CNKSR2: variants seen among roughly 807,000 people sequenced by gnomAD.
CNKSR2 encodes CNK homolog protein 2.
Under a neutral mutation model 84.4 loss-of-function variants are expected in CNKSR2, and 14 were observed. The ratio of observed to expected loss-of-function variants is 0.17; its 90% CI spans 0.11 to 0.26. The LOEUF (loss-of-function observed/expected upper bound fraction) is 0.26, where lower values mean the gene tolerates loss of function less well. Ranked by LOEUF, CNKSR2 falls within the 10% of genes least tolerant of loss-of-function variation. The pLI is 1.00. For synonymous variants in CNKSR2, 275 were observed against 277.9 expected (o/e 0.99, Z 0.10); for missense variants, 485 against 771.2 (o/e 0.63, Z 4.40).
At chrX:21,480,001 C>T (rs2091299682) in intron 5 of CNKSR2, among the ~76,000 whole-genome samples, 1 of 111,103 alleles carries the variant, frequency 9.0e-6, no homozygotes, top group African/African-American at 3.3e-5. Context: ...GACCCTGCAA[C>T]AGGAACAAGA....
chrX:21,653,421 G>A lies in CNKSR2; in HGVS notation c.*900G>A, dbSNP rs1467747841. 2 of 109,819 alleles carry A rather than the reference G, an allele frequency of 1.8e-5. No homozygotes were observed. Among genetic ancestry groups the A allele is most frequent in the African/African-American group, 6.6e-5 (2 of 30,209 alleles). The allele number at this position is 109,819 out of a possible 1,213,427, so 9.1% of individuals were successfully genotyped here. A position where few individuals can be genotyped will look rare whatever the true frequency, so the allele number is the denominator to read the frequency against. The stretch of plus-strand genomic sequence containing the variant: ...AACTCCAACTCTTAAAAGACAACAA[G>A]GTATAAACTGAAATGAATCAACTTT... On this transcript the variant is annotated 3_prime_UTR_variant, in exon 22 of 22. Coordinates refer to ENST00000379510, the MANE Select transcript of CNKSR2 (RefSeq NM_014927.5).
chrX:21,445,012 G>A (rs957563098), intron 4 of CNKSR2, among the ~76,000 whole-genome samples: 2 of 111,163 alleles, frequency 1.8e-5, no homozygotes, highest in Admixed American at 1.9e-4. Context: ...GTATTCTATC[G>A]TTCATATGGT....
intron 11 of CNKSR2, among the ~76,000 whole-genome samples, chrX:21,549,386 T>A (rs1338384254): frequency 3.6e-5 from 4 of 111,714 alleles, no homozygotes; most frequent in Non-Finnish European, 5.6e-5. Flanking sequence ...CAAGGAGAAC[T>A]ACAAACCACT....
In CNKSR2 at chrX:21,607,216, C is replaced by T. The variant is rs376312701; in HGVS notation, c.2145+337C>T. On this transcript the variant is annotated intron_variant, in intron 19 of 21. Transcript: ENST00000379510. ...GTATATAAAATGACCTTATCTATTCCACACTAATAAAGTGTATTCCTATGT... is the reference window on the plus strand; with the variant it reads ...GTATATAAAATGACCTTATCTATTCTACACTAATAAAGTGTATTCCTATGT... 8.1e-5 allele frequency among the ~76,000 whole-genome samples: 9 copies of T among 111,567 alleles called. No individual in the cohort carries two copies. The East Asian group carries it at 2.5e-3, about 31-fold the overall frequency.
At chrX:21,504,817 C>A in intron 8 of CNKSR2, 1 of 295,589 alleles carries the variant, frequency 3.4e-6, no homozygotes, top group African/African-American at 2.7e-5. Flanking sequence ...AACCAACATA[C>A]TTCTGTGGCT....
At chrX:21,576,474 A>G (rs1332400761) in intron 13 of CNKSR2, among the ~76,000 whole-genome samples, 2 of 111,982 alleles carry the variant, frequency 1.8e-5, no homozygotes, top group Non-Finnish European at 3.8e-5. Flanking sequence ...TAGAAAAAGA[A>G]CAAAACAAAA....
At chrX:21,507,067 G>A (rs770425325) in intron 8 of CNKSR2, among the ~76,000 whole-genome samples, 1 of 108,527 alleles carries the variant, frequency 9.2e-6, no homozygotes, top group Non-Finnish European at 1.9e-5. Context: ...CATATTAGGA[G>A]TAGGCAATCA....
intron 6 of CNKSR2, chrX:21,492,725 TAGAA>T (rs1211424813): frequency 8.9e-6 from 1 of 111,819 alleles, no homozygotes; most frequent in Non-Finnish European, 1.9e-5. Flanking sequence ...TGAATATTAA[TAGAA>T]AGAGTTAAGT....
rs191619045 is a variant in CNKSR2, at chrX:21,399,074, T to A, written c.64+24113T>A. 4.5e-5 allele frequency among the ~76,000 whole-genome samples: 5 copies of A among 110,717 alleles called. No homozygotes were observed. In the Admixed American group the frequency reaches 4.8e-4, roughly 11 times the overall value. The stretch of plus-strand genomic sequence containing the variant: ...ACTTAGATCTCTGCTGGACTTGGAA[T>A]CTATATGTATATCTAAAGTATTTAT... On this transcript the variant is annotated intron_variant, in intron 1 of 21. Transcript: ENST00000379510.
Position 21,444,317 on chromosome X carries a change from A to G in CNKSR2, c.519+3536A>G, listed in dbSNP as rs188130909. Reference sequence around the variant, plus strand: ...ATATTTTACTTAATTACATTCATGTATATGAATAGTACTTCATTTACCTTC... The same window carrying G: ...ATATTTTACTTAATTACATTCATGTGTATGAATAGTACTTCATTTACCTTC... On this transcript the variant is annotated intron_variant, in intron 4 of 21. Coordinates refer to ENST00000379510, the MANE Select transcript of CNKSR2 (RefSeq NM_014927.5). Among the ~76,000 whole-genome samples, 97 of 111,758 alleles carry G rather than the reference A, an allele frequency of 8.7e-4. 1 individual carries two copies. The highest frequency in any genetic ancestry group is 7.4e-4 in the South Asian group (2 of 2,711).
chrX:21,504,380 AG>A (rs1489587645), intron 8 of CNKSR2: 1 of 112,561 alleles, frequency 8.9e-6, no homozygotes, highest in Non-Finnish European at 1.9e-5. Flanking sequence ...TTAATTGACT[AG>A]AATAGTGAGA....
intron 2 of CNKSR2, chrX:21,429,102 CTTTA>C: frequency 8.9e-6 from 1 of 111,884 alleles, no homozygotes; most frequent in Middle Eastern, 4.6e-3. Flanking sequence ...AAATACATTT[CTTTA>C]TTTCTTTCAA....
In CNKSR2 at chrX:21,475,561, C is replaced by T. The variant is rs967425946; in HGVS notation, c.561+4754C>T. ...GAGTTAAATAGGTTTTTAGAACATC[C>T]CCAGTGATGGCTGCCATTTAGAAGG... On this transcript the variant is annotated intron_variant, in intron 5 of 21. Transcript: ENST00000379510. 3.4e-4 allele frequency among the ~76,000 whole-genome samples: 38 copies of T among 110,853 alleles called. 2 individuals are homozygous for T. Among genetic ancestry groups the T allele is most frequent in the Admixed American group, 9.6e-5 (1 of 10,367 alleles).
At chrX:21,388,203 T>C (rs930914000) in intron 1 of CNKSR2, among the ~76,000 whole-genome samples, 1 of 112,120 alleles carries the variant, frequency 8.9e-6, no homozygotes, top group Non-Finnish European at 1.9e-5. Flanking sequence ...CAGGCCTATT[T>C]TTCCCTACTT....
intron 1 of CNKSR2, among the ~76,000 whole-genome samples, chrX:21,402,367 C>T (rs1347476107): frequency 9.0e-6 from 1 of 110,590 alleles, no homozygotes; most frequent in African/African-American, 3.3e-5. Flanking sequence ...TTAGGTAATG[C>T]AAATGTTTAT....
chrX:21,440,541 C>T (rs1259734833), intron 3 of CNKSR2, among the ~76,000 whole-genome samples, 153 bp from the exon 4 acceptor site: 1 of 111,743 alleles, frequency 8.9e-6, no homozygotes, highest in African/African-American at 3.2e-5. Context: ...TCTTTCAAAT[C>T]TTTCCTTAAA....
At chrX:21,509,040 A>G (rs1481044622) in intron 8 of CNKSR2, among the ~76,000 whole-genome samples, 1 of 112,072 alleles carries the variant, frequency 8.9e-6, no homozygotes, top group Non-Finnish European at 1.9e-5. Flanking sequence ...CTCTCTGTCC[A>G]TCTTTAGCTG....
chrX:21,642,989 TG>T, intron 20 of CNKSR2: 1 of 209,148 alleles, frequency 4.8e-6, no homozygotes, highest in Non-Finnish European at 7.1e-6. Flanking sequence ...TTAATATTTA[TG>T]GGATTGTCTT....
At chrX:21,450,731 G>T (rs1277718858) in intron 4 of CNKSR2, among the ~76,000 whole-genome samples, 1 of 111,397 alleles carries the variant, frequency 9.0e-6, no homozygotes, top group Non-Finnish European at 1.9e-5. Context: ...CCTTTCCTTG[G>T]GATATAGTAG....
Sources: gnomAD v4.1 joint callset for allele counts (sites outside exome capture counted in the v4.1 genomes callset) on GRCh38, gnomAD v4.1.1 for gene constraint, MANE v1.5 for transcripts, NCBI Gene and HGNC (gene_info 2026-07-23, HGNC 2026-07-21) for gene names.